Variants in QTGAL observed in about 807,000 individuals in gnomAD.
The protein encoded by QTGAL is queuosine-tRNA galactosyltransferase.
the QTGAL span, among the ~76,000 whole-genome samples, chr17:82,984,002 G>C: frequency 1.4e-5 from 2 of 147,612 alleles, no homozygotes; most frequent in Non-Finnish European, 3.0e-5. Context: ...CAGGGGAGAG[G>C]CCACGTGAGG....
chr17:83,008,736 G>A, the QTGAL span, among the ~76,000 whole-genome samples: 1 of 152,198 alleles, frequency 6.6e-6, no homozygotes, highest in Admixed American at 6.5e-5. Flanking sequence ...GCAGCTTCGT[G>A]GAGAGAAAGC....
the QTGAL span, among the ~76,000 whole-genome samples, chr17:82,991,615 A>G: frequency 6.6e-6 from 1 of 152,176 alleles, no homozygotes; most frequent in African/African-American, 2.4e-5. Flanking sequence ...GACTGCAAAG[A>G]CTATATGACA....
At chr17:82,968,176 C>T in the QTGAL span, among the ~76,000 whole-genome samples, 1 of 151,920 alleles carries the variant, frequency 6.6e-6, no homozygotes, top group Admixed American at 6.6e-5. Context: ...CCCCAGCACC[C>T]GTCCCCGTGT....
chr17:83,027,302 G>A, the QTGAL span, among the ~76,000 whole-genome samples: 12 of 152,340 alleles, frequency 7.9e-5, no homozygotes, highest in African/African-American at 2.9e-4. Context: ...TCAATAAATG[G>A]TGCTGGGACT....
At chr17:83,035,473 T>C in the QTGAL span, among the ~76,000 whole-genome samples, 1 of 152,116 alleles carries the variant, frequency 6.6e-6, no homozygotes, top group Non-Finnish European at 1.5e-5. Flanking sequence ...CCGCCCAATA[T>C]ACGATGTTCT....
chr17:83,025,165 CGG>C, the QTGAL span, among the ~76,000 whole-genome samples: 1 of 99,680 alleles, frequency 1.0e-5, no homozygotes, highest in South Asian at 3.0e-4. Context: ...ACAGACACCG[CGG>C]AGTCCACACA....
chr17:82,965,706 C>T, the QTGAL span: 23 of 1,612,648 alleles, frequency 1.4e-5, no homozygotes, highest in Non-Finnish European at 1.9e-5. Flanking sequence ...CGAGCAGAAC[C>T]AGGTGGGCAT....
the QTGAL span, among the ~76,000 whole-genome samples, chr17:82,964,155 C>A: frequency 4.1e-5 from 6 of 146,048 alleles, no homozygotes; most frequent in Admixed American, 4.3e-4. Context: ...CTCAGCTACT[C>A]AGGAGGCTGA....
chr17:82,964,167 G>A, the QTGAL span, among the ~76,000 whole-genome samples: 1 of 144,480 alleles, frequency 6.9e-6, no homozygotes, highest in Non-Finnish European at 1.5e-5. Context: ...GGAGGCTGAG[G>A]TACAAGGATT....
At chr17:82,961,790 G>A in the QTGAL span, among the ~76,000 whole-genome samples, 1 of 152,224 alleles carries the variant, frequency 6.6e-6, no homozygotes, top group South Asian at 2.1e-4. Context: ...CTCTGCTCCA[G>A]AACATTCTGC....
chr17:82,946,923 C>T, the QTGAL span: 1 of 1,568,762 alleles, frequency 6.4e-7, no homozygotes, highest in South Asian at 1.2e-5. Context: ...TGAAGGAAGT[C>T]CTGGCCCTCC....
At chr17:82,947,431 C>T in the QTGAL span, 1 of 161,370 alleles carries the variant, frequency 6.2e-6, no homozygotes, top group Non-Finnish European at 1.3e-5. Context: ...TCTCCTCTGG[C>T]CTCTGTCATC....
At chr17:82,996,099 C>CA in the QTGAL span, among the ~76,000 whole-genome samples, 6 of 152,188 alleles carry the variant, frequency 3.9e-5, no homozygotes, top group South Asian at 1.0e-3. Context: ...AAGAAGGCAC[C>CA]AAAAAAATGG....
chr17:82,944,187 C>T, the QTGAL span: 2 of 152,216 alleles, frequency 1.3e-5, no homozygotes, highest in Non-Finnish European at 2.9e-5. Context: ...ATCAGTGACA[C>T]TATGTGGCAA....
the QTGAL span, chr17:82,956,770 C>T: frequency 6.3e-7 from 1 of 1,577,164 alleles, no homozygotes. The surrounding 1 kb of genome is among the most constrained non-coding windows in gnomAD (Gnocchi z 5.7). Context: ...TGGGTCTTTC[C>T]TGAGAGTGAC....
At chr17:82,956,894 G>A in the QTGAL span, 6 of 1,184,428 alleles carry the variant, frequency 5.1e-6, no homozygotes, top group Non-Finnish European at 7.3e-6. This position sits in a 1 kb window ranked among gnomAD's most constrained non-coding sequence, Gnocchi z 5.7. Context: ...AGCAGATAAC[G>A]TGCCAGGGTC....
the QTGAL span, among the ~76,000 whole-genome samples, chr17:83,028,320 C>G: frequency 4.6e-5 from 7 of 151,486 alleles, no homozygotes; most frequent in Middle Eastern, 3.4e-3. Context: ...GTCAGGAGAT[C>G]GAGACCATCC....
the QTGAL span, among the ~76,000 whole-genome samples, chr17:83,037,898 C>T: frequency 1.2e-4 from 18 of 152,264 alleles, no homozygotes; most frequent in Middle Eastern, 3.4e-3. This position sits in a 1 kb window ranked among gnomAD's most constrained non-coding sequence, Gnocchi z 5.2. Context: ...TTGCGTGGGG[C>T]TCCTGCTTGG....
At chr17:82,997,943 A>ATC in the QTGAL span, among the ~76,000 whole-genome samples, 4 of 148,394 alleles carry the variant, frequency 2.7e-5, no homozygotes, top group South Asian at 2.1e-4. Flanking sequence ...ATATATATAT[A>ATC]TATATCTATA....
Sources: allele counts gnomAD v4.1 joint callset (sites outside exome capture counted in the v4.1 genomes callset), GRCh38; gene constraint gnomAD v4.1.1; non-coding constraint Gnocchi (gnomAD v3.1); transcripts MANE v1.5; gene names NCBI Gene and HGNC (gene_info 2026-07-23, HGNC 2026-07-21).